The following ATG14 variants were observed in gnomAD, a reference collection of about 807,000 sequenced individuals.
ATG14 encodes the protein beclin 1-associated autophagy-related key regulator.
In ATG14, 35 loss-of-function variants were observed where a neutral mutation model predicts 60.4. The observed-to-expected ratio is 0.58, with a 90% confidence interval of 0.44 to 0.77. ATG14 has a LOEUF of 0.77. Ranked by LOEUF, ATG14 falls within the 30% of genes least tolerant of loss-of-function variation. The pLI, the probability that ATG14 is intolerant of heterozygous loss-of-function variation, is 0.00. For missense variants in ATG14, 647 were observed against 626.3 expected (o/e 1.03, Z -0.35); for synonymous variants, 234 against 228.8 (o/e 1.02, Z -0.21).
In ATG14 at chr14:55,368,733, AC is replaced by A. The variant is rs1401363907; in HGVS notation, c.*885del. Reference sequence around the variant, plus strand: ...CACAAGAATGACCAGAGGCCACTTAACTAAGTGGCTTTTCCCCTGTGCCCAG... The same window carrying A: ...CACAAGAATGACCAGAGGCCACTTAATAAGTGGCTTTTCCCCTGTGCCCAG... On this transcript the variant is annotated 3_prime_UTR_variant, in exon 10 of 10. Transcript: ENST00000247178. 1 of 152,228 alleles carries A rather than the reference AC, an allele frequency of 6.6e-6. No individual in the cohort carries two copies. The highest frequency in any genetic ancestry group is 1.5e-5 in the Non-Finnish European group (1 of 68,042). The allele number at this position is 152,228 out of a possible 1,614,324, so 9.4% of individuals were successfully genotyped here.
chr14:55,385,689 C>T (rs1396084124), intron 5 of ATG14, among the ~76,000 whole-genome samples, 170 bp downstream of exon 5: 1 of 152,196 alleles, frequency 6.6e-6, no homozygotes, highest in African/African-American at 2.4e-5. Flanking sequence ...CTCGCTGCCT[C>T]CCCAGCTTTC....
At position 55,369,683 on chromosome 14, in the gene ATG14, C is replaced by A. The variant is rs1331689032; in HGVS notation, c.1415G>T (p.Gly472Val). The A allele has an allele frequency of 5.0e-6, 8 of 1,585,094 alleles. No individual in the cohort carries two copies. Among genetic ancestry groups the A allele is most frequent in the Non-Finnish European group, 6.9e-6 (8 of 1,162,462 alleles). ...SPPIASSSAG[G>V]MISSAAASVT... ...CGAGGCTGCTGCAGAGGAGATCATCCCACCTGCACTGCTGCTCGCGATGGG... is the reference window on the plus strand; with the variant it reads ...CGAGGCTGCTGCAGAGGAGATCATCACACCTGCACTGCTGCTCGCGATGGG... The change falls in exon 10 of 10, where the codon GGG (glycine) becomes GTG (valine). Residue 472 changes from glycine to valine, a missense_variant. Transcript: ENST00000247178.
intron 1 of ATG14, among the ~76,000 whole-genome samples, chr14:55,406,156 T>G (rs1343683357): frequency 6.6e-6 from 1 of 152,248 alleles, no homozygotes; most frequent in Non-Finnish European, 1.5e-5. Context: ...AATTTATTTC[T>G]TTAATACTTA....
chr14:55,411,568 A>G (rs1885572512), intron 1 of ATG14, 34 bp downstream of exon 1: 1 of 1,574,746 alleles, frequency 6.4e-7, no homozygotes, highest in South Asian at 1.2e-5. Context: ...GACACACAGC[A>G]GAAGAAACAA....
chr14:55,372,045 A>C (rs1884830789), intron 9 of ATG14, among the ~76,000 whole-genome samples: 1 of 152,034 alleles, frequency 6.6e-6, no homozygotes, highest in Non-Finnish European at 1.5e-5. Flanking sequence ...CTTGGCAAAC[A>C]GTTCTACTCT....
intron 4 of ATG14, among the ~76,000 whole-genome samples, chr14:55,388,076 G>A (rs1288045037): frequency 6.6e-6 from 1 of 152,086 alleles, no homozygotes; most frequent in Non-Finnish European, 1.5e-5. Flanking sequence ...GGTGAAGGTT[G>A]CAGTGAGCCG....
Position 55,411,762 on chromosome 14 carries a change from G to GCCGGGGCCCGCAGCCAGGAGCCT in ATG14, c.38_60dup (p.Pro21ArgfsTer41). On this transcript the variant is annotated frameshift_variant, in exon 1 of 10. Coordinates refer to ENST00000247178, the MANE Select transcript of ATG14 (RefSeq NM_014924.5). LOFTEE classifies it high-confidence loss of function. ...GAGTCCACCAGGTCCCGGGCGAGCGGCCGGGGCCCGCAGCCAGGAGCCTCC... is the reference window on the plus strand; with the variant it reads ...GAGTCCACCAGGTCCCGGGCGAGCGGCCGGGGCCCGCAGCCAGGAGCCTCCGGGGCCCGCAGCCAGGAGCCTCC... The GCCGGGGCCCGCAGCCAGGAGCCT allele has an allele frequency of 6.2e-7, 1 of 1,606,134 alleles. No homozygotes were observed. The highest frequency in any genetic ancestry group is 8.5e-7 in the Non-Finnish European group (1 of 1,176,980).
intron 1 of ATG14, among the ~76,000 whole-genome samples, chr14:55,403,183 T>A (rs1036326143): frequency 3.3e-5 from 5 of 151,748 alleles, no homozygotes; most frequent in African/African-American, 1.2e-4. Context: ...GAATAATGCT[T>A]ACATACTCCT....
In ATG14 at chr14:55,409,208, G is replaced by A. The variant is rs1197623918; in HGVS notation, c.221+2394C>T. Among the ~76,000 whole-genome samples, 5 of 152,192 alleles carry A rather than the reference G, an allele frequency of 3.3e-5. No homozygotes were observed. In the East Asian group the frequency reaches 9.6e-4, roughly 29 times the overall value. On this transcript the variant is annotated intron_variant, in intron 1 of 9. Transcript: ENST00000247178. ...TGCAGAGAGGAAGAGAAAAAGAAAA[G>A]TATAGGATAACTCCCAGTTTTCTGG...
intron 1 of ATG14, among the ~76,000 whole-genome samples, chr14:55,405,755 A>G (rs1018720371): frequency 6.6e-6 from 1 of 152,080 alleles, no homozygotes; most frequent in Non-Finnish European, 1.5e-5. Context: ...AGATCCAAAG[A>G]CTGTGTTGGA....
chr14:55,393,107 C>T (rs538137341), intron 3 of ATG14, among the ~76,000 whole-genome samples: 100 of 152,234 alleles, frequency 6.6e-4, no homozygotes, highest in African/African-American at 8.7e-4. Context: ...TATGACTGGG[C>T]GCGGTGGCTC....
chr14:55,386,158 C>G, intron 4 of ATG14, 62 bp from the exon 5 acceptor site: 1 of 1,349,628 alleles, frequency 7.4e-7, no homozygotes, highest in Non-Finnish European at 1.0e-6. Context: ...TACTGCAGAG[C>G]TCCACCCCAC....
rs1566585749 is a variant in ATG14, at chr14:55,402,957, ATATATATAT to A, written c.222-5532_222-5524del. On this transcript the variant is annotated intron_variant, in intron 1 of 9. Transcript: ENST00000247178. ...TATATATATATATATATATATATATATATATATATATAAATAGCTGGGCATAGTGGTGCA... is the reference window on the plus strand; with the variant it reads ...TATATATATATATATATATATATATAATAAATAGCTGGGCATAGTGGTGCA... Among the ~76,000 whole-genome samples, 162 of 76,178 alleles carry A rather than the reference ATATATATAT, an allele frequency of 2.1e-3. 2 individuals carry two copies. The highest frequency in any genetic ancestry group is 3.8e-3 in the Non-Finnish European group (136 of 35,520). 50.0% of individuals were successfully genotyped at this position (76,178 alleles called of 152,430 possible). A position where few individuals can be genotyped will look rare whatever the true frequency, so the allele number is the denominator to read the frequency against.
Position 55,397,363 on chromosome 14 carries a change from AAC to A in ATG14, c.284+7_284+8del. The A allele has an allele frequency of 6.2e-7, 1 of 1,611,558 alleles. No individual in the cohort carries two copies. The highest frequency in any genetic ancestry group is 8.5e-7 in the Non-Finnish European group (1 of 1,177,806). ...CTCCACAAATTAAAAGACAAAACAA[AAC>A]ACTCACTCTTTCTGAAATTCTTCTT... On this transcript the variant is annotated splice_region_variant and intron_variant, in intron 2 of 9. Coordinates refer to ENST00000247178, the MANE Select transcript of ATG14 (RefSeq NM_014924.5).
intron 1 of ATG14, among the ~76,000 whole-genome samples, chr14:55,397,943 C>CTTTT (rs928087584): frequency 5.1e-4 from 54 of 105,534 alleles, no homozygotes; most frequent in Admixed American, 7.2e-4. Flanking sequence ...TGCAGTAATT[C>CTTTT]TTTTTTTTTT....
chr14:55,381,984 C>T lies in ATG14; in HGVS notation c.855G>A (p.Glu285=), dbSNP rs761031047. 5 of 1,614,018 alleles carry T rather than the reference C, an allele frequency of 3.1e-6. No individual in the cohort carries two copies. The highest frequency in any genetic ancestry group is 1.6e-4 in the Middle Eastern group (1 of 6,084). The change falls in exon 6 of 10, where the codon GAG becomes GAA. Residue 285 remains glutamate, a synonymous_variant. Transcript: ENST00000247178. The part of the protein sequence containing the change: ...DYSAYYSWVE[E]KKTTQGPDME... ...CACCAGGCCCCTGGGTTGTTTTCTT[C>T]TCCTCCACCCAGCTGTAGTAGGCAG... is the stretch of plus-strand genomic sequence containing the variant.
At chr14:55,395,192 C>T in intron 3 of ATG14, 2 of 430,362 alleles carry the variant, frequency 4.6e-6, no homozygotes, top group Non-Finnish European at 9.5e-6. Context: ...TGGGCTCTTC[C>T]TCTGTGGCCC....
rs1377165901 is a variant in ATG14, at chr14:55,382,200, A to G, written c.648-9T>C. On this transcript the variant is annotated splice_polypyrimidine_tract_variant and intron_variant, in intron 5 of 9. Coordinates refer to ENST00000247178, the MANE Select transcript of ATG14 (RefSeq NM_014924.5). ...ACACATCTGCGGGGTCTCTACAAGTAGGAAGACACACACGGATTTTCAAGA... is the reference window on the plus strand; with the variant it reads ...ACACATCTGCGGGGTCTCTACAAGTGGGAAGACACACACGGATTTTCAAGA... 1.9e-6 allele frequency: 3 copies of G among 1,613,218 alleles called. No individual in the cohort carries two copies. The East Asian group carries it at 6.7e-5, about 36-fold the overall frequency.
chr14:55,397,514 A>G, intron 1 of ATG14, 80 bp from the exon 2 acceptor site: 5 of 1,101,650 alleles, frequency 4.5e-6, no homozygotes, highest in Middle Eastern at 2.0e-4. Context: ...CCAAGAACCA[A>G]TCATTCTGCA....
Sources: gnomAD v4.1 joint callset for allele counts (sites outside exome capture counted in the v4.1 genomes callset) on GRCh38, gnomAD v4.1.1 for gene constraint, MANE v1.5 for transcripts, NCBI Gene and HGNC (gene_info 2026-07-23, HGNC 2026-07-21) for gene names.